CRTC3: variants seen among roughly 807,000 people sequenced by gnomAD.
The protein encoded by CRTC3 is CREB regulated transcription coactivator 3.
Under a neutral mutation model 74.5 loss-of-function variants are expected in CRTC3, and 26 were observed. The observed-to-expected ratio is 0.35, with a 90% CI of 0.26 to 0.48. The LOEUF (loss-of-function observed/expected upper bound fraction) is 0.48, where lower values mean the gene tolerates loss of function less well. Among genes scored for constraint, CRTC3 ranks in the 20% least tolerant of loss-of-function variants. The pLI, the probability that CRTC3 is intolerant of heterozygous loss-of-function variation, is 0.99. For synonymous variants in CRTC3, 377 were observed against 325.8 expected (o/e 1.16, Z -1.69); for missense variants, 760 against 787.3 (o/e 0.97, Z 0.41).
chr15:90,616,020 C>T (rs554898740), intron 7 of CRTC3, among the ~76,000 whole-genome samples: 3 of 150,778 alleles, frequency 2.0e-5, no homozygotes, highest in African/African-American at 5.0e-5. Context: ...CCACCACACC[C>T]AGCTAATTTT....
Position 90,642,066 on chromosome 15 carries a change from A to C in CRTC3, c.1786A>C (p.Asn596His). 1 of 1,614,072 alleles carries C rather than the reference A, an allele frequency of 6.2e-7. No individual in the cohort carries two copies. The highest frequency in any genetic ancestry group is 8.5e-7 in the Non-Finnish European group (1 of 1,180,032). Residue 596 changes from asparagine (N) to histidine (H), a missense_variant, in exon 15 of 15, where the codon AAC becomes CAC. Physicochemically the swap from Asn to His is moderately conservative, Grantham distance 68. Transcript: ENST00000268184. The part of the protein sequence containing the change: ...QIEPLSLDGL[N>H]MLSDSSMGLL... ...TGAACCCCTGAGCCTGGACGGACTCAACATGTTAAGTGACTCCAGCATGGG... is the reference window on the plus strand; with the variant it reads ...TGAACCCCTGAGCCTGGACGGACTCCACATGTTAAGTGACTCCAGCATGGG...
chr15:90,570,684 G>A (rs1367815026), intron 2 of CRTC3, among the ~76,000 whole-genome samples: 1 of 152,108 alleles, frequency 6.6e-6, no homozygotes, highest in Non-Finnish European at 1.5e-5. Context: ...ATTACCTGAG[G>A]TCCGGATAAC....
chr15:90,607,229 A>G, intron 5 of CRTC3, 149 bp from the exon 6 acceptor site: 1 of 541,166 alleles, frequency 1.8e-6, no homozygotes, highest in East Asian at 3.3e-5. Context: ...GATATAAAGA[A>G]CTTCAGGTAG....
At chr15:90,637,604 G>A (rs1455348368) in intron 11 of CRTC3, among the ~76,000 whole-genome samples, 1 of 152,114 alleles carries the variant, frequency 6.6e-6, no homozygotes, top group Non-Finnish European at 1.5e-5. Flanking sequence ...TCAGTAAAGT[G>A]CCTCACCTTC....
intron 6 of CRTC3, among the ~76,000 whole-genome samples, chr15:90,612,025 C>CGCT (rs1270789098): frequency 3.9e-5 from 3 of 76,548 alleles, no homozygotes; most frequent in Non-Finnish European, 5.5e-5. Flanking sequence ...AACCACCCCC[C>CGCT]ACTCCTCCTC....
chr15:90,628,483 G>C (rs1032585652), intron 10 of CRTC3, among the ~76,000 whole-genome samples: 4 of 152,172 alleles, frequency 2.6e-5, no homozygotes, highest in Non-Finnish European at 4.4e-5. Flanking sequence ...CCTGTGCCAG[G>C]TGCTGAGGAT....
At chr15:90,633,693 A>G (rs540191342) in intron 11 of CRTC3, among the ~76,000 whole-genome samples, 4 of 146,222 alleles carry the variant, frequency 2.7e-5, no homozygotes, top group Admixed American at 1.4e-4. Flanking sequence ...TCTTCCCTTC[A>G]GTTTTCTCTG....
chr15:90,595,750 C>A (rs545980108), intron 3 of CRTC3: 1 of 152,052 alleles, frequency 6.6e-6, no homozygotes, highest in East Asian at 1.9e-4. Context: ...GTTTTACTAA[C>A]CAAAATAGAG....
At chr15:90,547,487 T>C (rs552991624) in intron 2 of CRTC3, among the ~76,000 whole-genome samples, 1 of 152,358 alleles carries the variant, frequency 6.6e-6, no homozygotes, top group Admixed American at 6.5e-5. Flanking sequence ...ATGGAGGATC[T>C]CAAAGTGCAT....
chr15:90,587,940 A>C (rs987183169), intron 2 of CRTC3, among the ~76,000 whole-genome samples: 10 of 147,716 alleles, frequency 6.8e-5, no homozygotes, highest in African/African-American at 2.5e-4. Flanking sequence ...TTTGACTTAC[A>C]CCTCCCTTGT....
At chr15:90,589,695 T>C (rs2151076513) in intron 2 of CRTC3, among the ~76,000 whole-genome samples, 1 of 152,318 alleles carries the variant, frequency 6.6e-6, no homozygotes, top group Non-Finnish European at 1.5e-5. Context: ...CGTGCAATGT[T>C]TAAAATACTG....
chr15:90,641,494 G>A (rs1205908774), intron 14 of CRTC3, among the ~76,000 whole-genome samples: 1 of 151,896 alleles, frequency 6.6e-6, no homozygotes, highest in African/African-American at 2.4e-5. Context: ...TCAGGAGATC[G>A]AGACCATTCT....
intron 2 of CRTC3, among the ~76,000 whole-genome samples, chr15:90,569,720 G>A (rs1485819260): frequency 1.3e-5 from 2 of 151,552 alleles, no homozygotes; most frequent in African/African-American, 4.8e-5. Context: ...AGCTGGGATT[G>A]TAGGTTCACC....
At chr15:90,637,971 TTA>T (rs1319160340) in intron 11 of CRTC3, 1 of 153,562 alleles carries the variant, frequency 6.5e-6, no homozygotes, top group East Asian at 1.9e-4. Flanking sequence ...TTCTCTCCCG[TTA>T]TCTTTGTCCT....
chr15:90,622,551 C>T (rs1968687430), intron 9 of CRTC3, among the ~76,000 whole-genome samples: 1 of 152,130 alleles, frequency 6.6e-6, no homozygotes, highest in African/African-American at 2.4e-5. Context: ...TACTTCCAGC[C>T]ATCTAAGACA....
At chr15:90,546,465 A>T (rs1021952834) in intron 2 of CRTC3, among the ~76,000 whole-genome samples, 1 of 152,068 alleles carries the variant, frequency 6.6e-6, no homozygotes, top group Non-Finnish European at 1.5e-5. Flanking sequence ...CTAATACCAC[A>T]CTGTCTTGAT....
intron 2 of CRTC3, among the ~76,000 whole-genome samples, chr15:90,561,985 A>G (rs1288431256): frequency 1.3e-5 from 2 of 152,248 alleles, no homozygotes; most frequent in Non-Finnish European, 2.9e-5. Flanking sequence ...CTCAAAGGCA[A>G]TAGTCAGTGC....
chr15:90,548,272 A>G lies in CRTC3; in HGVS notation c.231+8135A>G, dbSNP rs1428616088. Among the ~76,000 whole-genome samples, 4 of 152,210 alleles carry G rather than the reference A, an allele frequency of 2.6e-5. No individual in the cohort carries two copies. In the East Asian group the frequency reaches 5.8e-4, roughly 22 times the overall value. On this transcript the variant is annotated intron_variant, in intron 2 of 14. Transcript: ENST00000268184. ...GTACTTTTTACATCTCTGATTAACT[A>G]CATTTTAACAAAATTGCATCATGTC...
chr15:90,558,732 C>T (rs1195716280), intron 2 of CRTC3, among the ~76,000 whole-genome samples: 1 of 150,402 alleles, frequency 6.6e-6, no homozygotes, highest in African/African-American at 2.4e-5. Context: ...ATCCAGTATA[C>T]TATATATATA....
Sources: gnomAD v4.1 joint callset for allele counts (sites outside exome capture counted in the v4.1 genomes callset) on GRCh38, gnomAD v4.1.1 for gene constraint, MANE v1.5 for transcripts, NCBI Gene and HGNC (gene_info 2026-07-23, HGNC 2026-07-21) for gene names.